Variants in FCHO2 observed in about 807,000 individuals in gnomAD.
FCHO2 encodes FCH and mu domain containing endocytic adaptor 2, also known as F-BAR domain only protein 2.
In FCHO2, 43 loss-of-function variants were observed where a neutral mutation model predicts 114.1. The ratio of observed to expected loss-of-function variants is 0.38; its 90% CI spans 0.30 to 0.49. FCHO2 has a LOEUF of 0.49. FCHO2 is among the 20% of genes least tolerant of loss of function. The pLI, the probability that FCHO2 is intolerant of heterozygous loss-of-function variation, is 0.97. For missense variants in FCHO2, 807 were observed against 950.4 expected (o/e 0.85, Z 1.98); for synonymous variants, 293 against 315.2 (o/e 0.93, Z 0.75).
At chr5:73,053,016 G>C (rs887416068) in intron 13 of FCHO2, among the ~76,000 whole-genome samples, 1 of 152,142 alleles carries the variant, frequency 6.6e-6, no homozygotes, top group African/African-American at 2.4e-5. Flanking sequence ...AATAGGATTT[G>C]AGGGAGAAAT....
chr5:73,064,974 T>TG (rs1561488940), intron 18 of FCHO2, among the ~76,000 whole-genome samples: 8 of 151,700 alleles, frequency 5.3e-5, no homozygotes, highest in African/African-American at 1.7e-4. Flanking sequence ...TGTACTTTTT[T>TG]TGTGTGTGTT....
intron 19 of FCHO2, among the ~76,000 whole-genome samples, chr5:73,071,086 T>C (rs1431873024): frequency 6.6e-6 from 1 of 152,050 alleles, no homozygotes; most frequent in Non-Finnish European, 1.5e-5. Context: ...ATTAACTATT[T>C]CAGTTTTGTG....
At chr5:73,078,363 A>G (rs878906938) in intron 22 of FCHO2, 51 bp downstream of exon 22, 1 of 1,473,580 alleles carries the variant, frequency 6.8e-7, no homozygotes, top group South Asian at 1.3e-5. Flanking sequence ...TAAAAAATGG[A>G]ATCTAGCATA....
intron 12 of FCHO2, among the ~76,000 whole-genome samples, chr5:73,052,013 T>C (rs1409930096): frequency 6.6e-6 from 1 of 152,138 alleles, no homozygotes; most frequent in Non-Finnish European, 1.5e-5. Context: ...AGCCTCCTAC[T>C]CCTGGGTGAA....
At chr5:73,039,207 T>C (rs1036946713) in intron 10 of FCHO2, among the ~76,000 whole-genome samples, 5 of 152,234 alleles carry the variant, frequency 3.3e-5, no homozygotes, top group Non-Finnish European at 5.9e-5. Flanking sequence ...GCTCTTGGCA[T>C]GCCTCTTCAT....
chr5:73,002,168 TGA>T (rs1754480583), intron 5 of FCHO2, among the ~76,000 whole-genome samples: 1 of 152,188 alleles, frequency 6.6e-6, no homozygotes, highest in South Asian at 2.1e-4. Context: ...GAGAATATCA[TGA>T]GAGGAAAAAA....
intron 5 of FCHO2, among the ~76,000 whole-genome samples, chr5:73,003,831 T>C (rs1754571827): frequency 6.6e-6 from 1 of 151,520 alleles, no homozygotes; most frequent in African/African-American, 2.4e-5. Context: ...ATCATTTGAG[T>C]TCAGGAGTTC....
intron 9 of FCHO2, among the ~76,000 whole-genome samples, chr5:73,035,752 C>T (rs1756466280): frequency 6.6e-6 from 1 of 151,704 alleles, no homozygotes; most frequent in South Asian, 2.1e-4. Flanking sequence ...ATCCATCCAC[C>T]TTAGCCTCCA....
chr5:73,069,555 A>G (rs1186237244), intron 19 of FCHO2, among the ~76,000 whole-genome samples: 1 of 151,964 alleles, frequency 6.6e-6, no homozygotes, highest in Admixed American at 6.6e-5. Context: ...TCTCGCTCCT[A>G]TGAGAGTCTA....
chr5:72,993,933 A>G (rs1580064863), intron 5 of FCHO2, among the ~76,000 whole-genome samples: 1 of 152,360 alleles, frequency 6.6e-6, no homozygotes, highest in Middle Eastern at 3.4e-3. Flanking sequence ...GGCTAGCCAT[A>G]TGCAGAAAAT....
At chr5:73,060,665 C>T (rs1357907805) in intron 17 of FCHO2, among the ~76,000 whole-genome samples, 1 of 151,986 alleles carries the variant, frequency 6.6e-6, no homozygotes, top group East Asian at 1.9e-4. Context: ...TCAGTGCTCT[C>T]CTGTGTGTCT....
chr5:72,973,872 G>C (rs1227629952), intron 2 of FCHO2, among the ~76,000 whole-genome samples: 2 of 149,460 alleles, frequency 1.3e-5, no homozygotes, highest in African/African-American at 2.4e-5. Context: ...ACACTGCTTT[G>C]AATGCGTCCC....
chr5:73,035,085 A>G lies in FCHO2; in HGVS notation c.841+384A>G, dbSNP rs764676097. ...CTCATCTCTGTAATGTGTAGTGCTA[A>G]TTGTACAGTGGGTAACATTTCATTA... On this transcript the variant is annotated intron_variant, in intron 9 of 25. Coordinates refer to ENST00000430046, the MANE Select transcript of FCHO2 (RefSeq NM_138782.3). Among the ~76,000 whole-genome samples the G allele has an allele frequency of 9.8e-5, 15 of 152,288 alleles. 1 individual carries two copies. Among genetic ancestry groups the G allele is most frequent in the Admixed American group, 9.1e-4 (14 of 15,302 alleles).
intron 8 of FCHO2, chr5:73,021,236 T>C: frequency 1.5e-6 from 1 of 660,938 alleles, no homozygotes; most frequent in Non-Finnish European, 2.8e-6. Flanking sequence ...CTTTATCTCC[T>C]CAAGCTCTTC....
chr5:73,044,251 C>T lies in FCHO2; in HGVS notation c.939+2936C>T, dbSNP rs116481080. On this transcript the variant is annotated intron_variant, in intron 11 of 25. Transcript: ENST00000430046. The stretch of plus-strand genomic sequence containing the variant: ...CCCAGTCTCAGATAGTTCTTGATAG[C>T]GATGTGAGAACAGACGAATACAGTC... Among the ~76,000 whole-genome samples the T allele has an allele frequency of 1.8e-3, 276 of 152,142 alleles. 3 individuals carry two copies. Among genetic ancestry groups the T allele is most frequent in the African/African-American group, 6.2e-3 (258 of 41,486 alleles).
Position 73,055,142 on chromosome 5 carries a change from A to G in FCHO2, c.1210+593A>G, listed in dbSNP as rs868445028. On this transcript the variant is annotated intron_variant, in intron 15 of 25. Transcript: ENST00000430046. ...AGTTTAAGAGACCTAGTAAATGAAT[A>G]ATAAATACCAAAATAAAAGTAAGGA... 1.4e-4 allele frequency: 41 copies of G among 300,932 alleles called. No individual in the cohort carries two copies. The Middle Eastern group carries it at 6.1e-3, about 45-fold the overall frequency. The allele number at this position is 300,932 out of a possible 1,614,324, so 18.6% of individuals were successfully genotyped here.
At chr5:73,054,252 T>C in intron 14 of FCHO2, 81 bp downstream of exon 14, 1 of 1,254,504 alleles carries the variant, frequency 8.0e-7, no homozygotes, top group South Asian at 1.5e-5. Flanking sequence ...AAAATATTTG[T>C]ATTAAATTTT....
chr5:73,058,964 G>T (rs897579091), intron 17 of FCHO2, among the ~76,000 whole-genome samples: 2 of 151,942 alleles, frequency 1.3e-5, no homozygotes, highest in African/African-American at 4.8e-5. Context: ...AAAATTTATG[G>T]CTTACAAGAT....
intron 7 of FCHO2, among the ~76,000 whole-genome samples, chr5:73,016,730 T>C (rs900075180): frequency 1.3e-5 from 2 of 151,210 alleles, no homozygotes; most frequent in Non-Finnish European, 2.9e-5. Context: ...AGATTTTAAA[T>C]TGTTTAAATA....
Sources: allele counts gnomAD v4.1 joint callset (sites outside exome capture counted in the v4.1 genomes callset), GRCh38; gene constraint gnomAD v4.1.1; transcripts MANE v1.5; gene names NCBI Gene and HGNC (gene_info 2026-07-23, HGNC 2026-07-21).